The following ATP9B variants were observed in gnomAD, a reference collection of about 807,000 sequenced individuals.
The protein encoded by ATP9B is probable phospholipid-transporting ATPase IIB.
A neutral mutation model predicts 146.1 loss-of-function variants in ATP9B; 110 were observed. That is an observed-to-expected ratio of 0.75 (90% CI 0.65 to 0.88). ATP9B has a LOEUF of 0.88. Ranked by LOEUF, ATP9B falls within the 40% of genes least tolerant of loss-of-function variation. ATP9B has a pLI of 0.00. For missense variants in ATP9B, 1,499 were observed against 1,496.4 expected, an observed-to-expected ratio of 1.00 and a Z score of -0.03; for synonymous variants, 604 against 569.7, an observed-to-expected ratio of 1.06 and a Z score of -0.86.
intron 1 of ATP9B, among the ~76,000 whole-genome samples, chr18:79,080,512 T>G (rs1316769572): frequency 6.6e-6 from 1 of 152,238 alleles, no homozygotes. Context: ...CTAAGTTGCT[T>G]ATCAGCTTAA....
At chr18:79,124,618 TG>T (rs1241317117) in intron 4 of ATP9B, among the ~76,000 whole-genome samples, 2 of 152,174 alleles carry the variant, frequency 1.3e-5, no homozygotes, top group Non-Finnish European at 2.9e-5. Flanking sequence ...AAAGACATCA[TG>T]GTGTTTCAGG....
chr18:79,327,486 CT>C (rs2096755496), intron 15 of ATP9B, among the ~76,000 whole-genome samples: 1 of 146,670 alleles, frequency 6.8e-6, no homozygotes, highest in African/African-American at 2.6e-5. Flanking sequence ...GGTTAGCGTG[CT>C]CTCCGTGGTT....
Position 79,080,608 on chromosome 18 carries a change from T to G in ATP9B, c.119+11079T>G, listed in dbSNP as rs142866007. Among the ~76,000 whole-genome samples, 20 of 152,316 alleles carry G rather than the reference T, an allele frequency of 1.3e-4. No individual in the cohort carries two copies. In the East Asian group the frequency reaches 3.9e-3, roughly 29 times the overall value. On this transcript the variant is annotated intron_variant, in intron 1 of 29. Coordinates refer to ENST00000426216, the MANE Select transcript of ATP9B (RefSeq NM_198531.5). ...TCCTCTTTCCCTATTTGAATACCCT[T>G]TATTTCTTTCTTTTGCCTGATTGCC...
intron 11 of ATP9B, among the ~76,000 whole-genome samples, chr18:79,245,631 G>T (rs1216857758): frequency 1.6e-5 from 2 of 125,690 alleles, no homozygotes; most frequent in African/African-American, 3.2e-5. Context: ...GACTGGGGAG[G>T]GTACCGCCCT....
At chr18:79,110,185 T>C (rs1323507567) in intron 2 of ATP9B, among the ~76,000 whole-genome samples, 170 bp from the exon 3 acceptor site, 1 of 152,178 alleles carries the variant, frequency 6.6e-6, no homozygotes, top group Non-Finnish European at 1.5e-5. Context: ...AAATTTAAAT[T>C]TGTGTAACCA....
chr18:79,374,362 CCGTCGGT>C lies in ATP9B; in HGVS notation c.3274+263_3274+269del, dbSNP rs2097091004. 9 of 191,240 alleles carry C rather than the reference CCGTCGGT, an allele frequency of 4.7e-5. 4 individuals are homozygous for C. Among genetic ancestry groups the C allele is most frequent in the East Asian group, 4.2e-4 (2 of 4,714 alleles). The allele number at this position is 191,240 out of a possible 1,614,324, so 11.8% of individuals were successfully genotyped here. On this transcript the variant is annotated intron_variant, in intron 28 of 29. Coordinates refer to ENST00000426216, the MANE Select transcript of ATP9B (RefSeq NM_198531.5). Reference sequence around the variant, plus strand: ...GTCCCCTGACAGGAGGCGCTGAGCCCCGTCGGTCACTGGCTGGCCGGTCCCCTGACAG... The same window carrying C: ...GTCCCCTGACAGGAGGCGCTGAGCCCCACTGGCTGGCCGGTCCCCTGACAG...
chr18:79,303,683 GA>G lies in ATP9B; in HGVS notation c.1492del (p.Ile498SerfsTer26). ...CCTATGGCGCCGACACGATGGATGA[GA>G]TCCAGAGCCATGTCAGGGACTCCTA... The part of the protein sequence containing the change: ...VSYGADTMDE[I>X]QSHVRDSYSQ... On this transcript the variant is annotated frameshift_variant, in exon 14 of 30. Coordinates refer to ENST00000426216, the MANE Select transcript of ATP9B (RefSeq NM_198531.5). LOFTEE classifies it high-confidence loss of function. 3 of 1,614,006 alleles carry G rather than the reference GA, an allele frequency of 1.9e-6. No homozygotes were observed. The highest frequency in any genetic ancestry group is 2.5e-6 in the Non-Finnish European group (3 of 1,179,964).
At chr18:79,193,288 C>T (rs1334008828) in intron 9 of ATP9B, 25 bp downstream of exon 9, 1 of 1,528,420 alleles carries the variant, frequency 6.5e-7, no homozygotes, top group Non-Finnish European at 9.0e-7. Context: ...TTGTTCAATA[C>T]AAATAGAGTT....
intron 5 of ATP9B, among the ~76,000 whole-genome samples, chr18:79,138,645 C>T (rs2094475353): frequency 6.6e-6 from 1 of 152,064 alleles, no homozygotes; most frequent in African/African-American, 2.4e-5. Flanking sequence ...GGTAAACTAT[C>T]ATCTCAACTA....
chr18:79,073,305 C>G (rs967458555), intron 1 of ATP9B, among the ~76,000 whole-genome samples: 1 of 152,126 alleles, frequency 6.6e-6, no homozygotes, highest in Admixed American at 6.5e-5. Flanking sequence ...TGTAGCGAGC[C>G]GAGATCACCC....
intron 2 of ATP9B, among the ~76,000 whole-genome samples, chr18:79,099,776 AT>A (rs370595343): frequency 6.6e-6 from 1 of 151,864 alleles, no homozygotes; most frequent in Non-Finnish European, 1.5e-5. Context: ...TTTTGCAGTT[AT>A]TTTTTTGTAA....
At chr18:79,260,228 TAGTCACCTTCACA>T (rs904257561) in intron 12 of ATP9B, among the ~76,000 whole-genome samples, 23 of 152,176 alleles carry the variant, frequency 1.5e-4, no homozygotes, top group Admixed American at 4.6e-4. Context: ...GAAGGGGAAG[TAGTCACCTTCACA>T]AGTCACCTTC....
At chr18:79,212,031 A>G (rs1196293819) in intron 10 of ATP9B, among the ~76,000 whole-genome samples, 7 of 152,134 alleles carry the variant, frequency 4.6e-5, no homozygotes, top group Non-Finnish European at 1.0e-4. Flanking sequence ...CTCATGTCTC[A>G]TTTCGCAATC....
chr18:79,175,658 AACAC>A (rs1054902620), intron 7 of ATP9B, among the ~76,000 whole-genome samples: 3 of 152,152 alleles, frequency 2.0e-5, no homozygotes, highest in Admixed American at 6.5e-5. Context: ...CACACACAGA[AACAC>A]ACAGATCCTC....
At position 79,225,687 on chromosome 18, in the gene ATP9B, T is replaced by C. The variant is rs374255445; in HGVS notation, c.1107+11649T>C. Among the ~76,000 whole-genome samples, 28 of 141,016 alleles carry C rather than the reference T, an allele frequency of 2.0e-4. 2 individuals are homozygous for C. Among genetic ancestry groups the C allele is most frequent in the South Asian group, 6.8e-4 (3 of 4,442 alleles). 92.5% of individuals were successfully genotyped at this position (141,016 alleles called of 152,430 possible). A position where few individuals can be genotyped will look rare whatever the true frequency, so the allele number is the denominator to read the frequency against. On this transcript the variant is annotated intron_variant, in intron 11 of 29. Coordinates refer to ENST00000426216, the MANE Select transcript of ATP9B (RefSeq NM_198531.5). ...ACTGTCTTCAGCGTCTGAGTGACTGTTGGGTCCCGCAGTTGCAGGGCGGCC... is the reference window on the plus strand; with the variant it reads ...ACTGTCTTCAGCGTCTGAGTGACTGCTGGGTCCCGCAGTTGCAGGGCGGCC...
intron 17 of ATP9B, among the ~76,000 whole-genome samples, chr18:79,332,343 G>A (rs1277296726): frequency 3.9e-5 from 6 of 152,160 alleles, no homozygotes; most frequent in Non-Finnish European, 7.4e-5. Flanking sequence ...GCAGGAGAAT[G>A]GCGTGAACCC....
rs140953510 is a variant in ATP9B, at chr18:79,253,261, A to G, written c.1108-120A>G. On this transcript the variant is annotated intron_variant, in intron 11 of 29. Transcript: ENST00000426216. ...TGAATTTTCATATTTCATTATAATA[A>G]AGGCTAATACCAATAAATTTTAAAG... is the stretch of plus-strand genomic sequence containing the variant. 193 of 827,012 alleles carry G rather than the reference A, an allele frequency of 2.3e-4. No homozygotes were observed. The African/African-American group carries it at 2.5e-3, about 11-fold the overall frequency. The allele number at this position is 827,012 out of a possible 1,614,324, so 51.2% of individuals were successfully genotyped here.
At chr18:79,082,846 C>T (rs1011131824) in intron 1 of ATP9B, among the ~76,000 whole-genome samples, 10 of 152,210 alleles carry the variant, frequency 6.6e-5, no homozygotes, top group African/African-American at 2.2e-4. Flanking sequence ...CTGTTGACCC[C>T]TGCTAGGAGG....
chr18:79,166,187 G>A (rs1363779882), intron 7 of ATP9B, among the ~76,000 whole-genome samples: 2 of 152,278 alleles, frequency 1.3e-5, no homozygotes, highest in African/African-American at 2.4e-5. Flanking sequence ...TGAGGATGTC[G>A]TTGAGAACAC....
Sources: gnomAD v4.1 joint callset for allele counts (sites outside exome capture counted in the v4.1 genomes callset) on GRCh38, gnomAD v4.1.1 for gene constraint, MANE v1.5 for transcripts, NCBI Gene and HGNC (gene_info 2026-07-23, HGNC 2026-07-21) for gene names.